Variants in CNTN4 observed in about 807,000 individuals in gnomAD.
CNTN4 encodes contactin 4.
A neutral mutation model predicts 122.5 loss-of-function variants in CNTN4; 77 were observed. The ratio of observed to expected loss-of-function variants is 0.63; its 90% CI spans 0.52 to 0.76. The LOEUF is 0.76. CNTN4 is among the 30% of genes least tolerant of loss of function. CNTN4 has a pLI of 0.00. For missense variants in CNTN4, 1,256 were observed against 1,259.1 expected, an observed-to-expected ratio of 1.00 and a Z score of 0.04; for synonymous variants, 512 against 447.0, an observed-to-expected ratio of 1.15 and a Z score of -1.83.
At chr3:2,996,162 T>A (rs1695515249) in intron 14 of CNTN4, among the ~76,000 whole-genome samples, 1 of 152,128 alleles carries the variant, frequency 6.6e-6, no homozygotes, top group Non-Finnish European at 1.5e-5. Flanking sequence ...ATTGGTAATA[T>A]CTGTTTGGGT....
Position 2,930,730 on chromosome 3 carries a change from A to G in CNTN4, c.1358+4951A>G, listed in dbSNP as rs149025842. Among the ~76,000 whole-genome samples, 662 of 152,338 alleles carry G rather than the reference A, an allele frequency of 4.3e-3. 7 individuals carry two copies. The highest frequency in any genetic ancestry group is 0.015 in the African/African-American group (626 of 41,582). Reference sequence around the variant, plus strand: ...ACAGCAGCATGACTCTGTTTTGTGAATCTAGCCAATTCCAGTTTCATTCCA... The same window carrying G: ...ACAGCAGCATGACTCTGTTTTGTGAGTCTAGCCAATTCCAGTTTCATTCCA... On this transcript the variant is annotated intron_variant, in intron 13 of 24. Transcript: ENST00000418658.
intron 6 of CNTN4, among the ~76,000 whole-genome samples, chr3:2,794,903 A>G (rs1055179738): frequency 2.6e-5 from 4 of 152,066 alleles, no homozygotes. Context: ...CTATTAGGGG[A>G]CTAATCCCAT....
rs1325165179 is a variant in CNTN4, at chr3:2,389,679, C to T, written c.-89+50446C>T. 4.6e-5 allele frequency among the ~76,000 whole-genome samples: 7 copies of T among 152,074 alleles called. No homozygotes were observed. In the East Asian group the frequency reaches 9.6e-4, roughly 21 times the overall value. On this transcript the variant is annotated intron_variant, in intron 3 of 24. Transcript: ENST00000418658. ...TTATCTATCTCCTTCATTGATGTAT[C>T]CCCATTGCCTAGAAAGGGAAGAACA... is the stretch of plus-strand genomic sequence containing the variant.
At chr3:3,032,132 A>T (rs1289554414) in intron 16 of CNTN4, among the ~76,000 whole-genome samples, 1 of 152,182 alleles carries the variant, frequency 6.6e-6, no homozygotes, top group East Asian at 1.9e-4. Context: ...GCAACAGTGC[A>T]GACAAGGGCT....
chr3:2,729,680 G>C (rs527902557), intron 4 of CNTN4, among the ~76,000 whole-genome samples: 2 of 151,620 alleles, frequency 1.3e-5, no homozygotes, highest in South Asian at 2.1e-4. Context: ...TTTGGGATGC[G>C]AAGGCAGGCG....
At chr3:2,875,027 G>A (rs1223297085) in intron 8 of CNTN4, among the ~76,000 whole-genome samples, 1 of 152,138 alleles carries the variant, frequency 6.6e-6, no homozygotes, top group Admixed American at 6.6e-5. Context: ...CTGTCACCCA[G>A]GCTGGAATGC....
At chr3:2,821,693 C>T (rs1335763932) in intron 7 of CNTN4, among the ~76,000 whole-genome samples, 1 of 152,108 alleles carries the variant, frequency 6.6e-6, no homozygotes, top group African/African-American at 2.4e-5. Flanking sequence ...TATAACTGCA[C>T]ATAAGGGATT....
At chr3:3,047,628 G>T (rs1700800681) in intron 23 of CNTN4, among the ~76,000 whole-genome samples, 4 of 147,754 alleles carry the variant, frequency 2.7e-5, no homozygotes, top group East Asian at 3.9e-4. Context: ...ATTCAAAGCA[G>T]TGTGTAGAGG....
intron 13 of CNTN4, among the ~76,000 whole-genome samples, chr3:2,979,985 T>C (rs1248022782): frequency 6.6e-6 from 1 of 152,198 alleles, no homozygotes; most frequent in African/African-American, 2.4e-5. Flanking sequence ...TTTCATCATG[T>C]GTTACTAAAG....
intron 3 of CNTN4, among the ~76,000 whole-genome samples, chr3:2,363,233 A>G (rs1027584593): frequency 6.6e-6 from 1 of 152,216 alleles, no homozygotes; most frequent in African/African-American, 2.4e-5. Context: ...AGTATTTTTC[A>G]AATGTCTCCT....
chr3:2,966,764 A>C (rs1418130251), intron 13 of CNTN4, among the ~76,000 whole-genome samples: 1 of 152,236 alleles, frequency 6.6e-6, no homozygotes, highest in Non-Finnish European at 1.5e-5. Context: ...TTATGTACCC[A>C]TAGTAATTAA....
chr3:2,354,819 A>G (rs1041288708), intron 3 of CNTN4, among the ~76,000 whole-genome samples: 17 of 152,172 alleles, frequency 1.1e-4, no homozygotes, highest in African/African-American at 4.1e-4. Context: ...CTTATCAAAC[A>G]GCCAGGAGTT....
intron 3 of CNTN4, among the ~76,000 whole-genome samples, chr3:2,456,767 C>G (rs766230622): frequency 1.3e-5 from 2 of 152,100 alleles, no homozygotes; most frequent in African/African-American, 2.4e-5. Context: ...ATCCATTCGT[C>G]TATCTATGGA....
At chr3:2,958,082 T>C (rs756447182) in intron 13 of CNTN4, among the ~76,000 whole-genome samples, 9 of 152,184 alleles carry the variant, frequency 5.9e-5, no homozygotes, top group Non-Finnish European at 1.3e-4. Flanking sequence ...GCATTTTAAA[T>C]GGATGTTTCC....
intron 2 of CNTN4, among the ~76,000 whole-genome samples, chr3:2,281,857 G>C (rs866726020): frequency 1.6e-4 from 24 of 152,178 alleles, no homozygotes; most frequent in South Asian, 1.0e-3. Flanking sequence ...TAATATACTA[G>C]AAGTTTGGTA....
In CNTN4 at chr3:2,518,223, G is replaced by T. The variant is rs533503884; in HGVS notation, c.-88-53193G>T. On this transcript the variant is annotated intron_variant, in intron 3 of 24. Transcript: ENST00000418658. ...CAGTTTCTTAGGTTAATATGTGTGT[G>T]TGTGTGTGTGTGCACACACGCACAT... 3.3e-5 allele frequency among the ~76,000 whole-genome samples: 5 copies of T among 152,218 alleles called. No homozygotes were observed. The East Asian group carries it at 9.7e-4, about 29-fold the overall frequency.
intron 2 of CNTN4, among the ~76,000 whole-genome samples, chr3:2,190,303 TTGTGTG>T (rs10685358): frequency 6.0e-5 from 9 of 149,442 alleles, no homozygotes; most frequent in Admixed American, 2.7e-4. Flanking sequence ...CACATCTGAC[TTGTGTG>T]TGTGTGTGTG....
chr3:2,609,077 G>A (rs2081375378), intron 4 of CNTN4, among the ~76,000 whole-genome samples: 1 of 152,160 alleles, frequency 6.6e-6, no homozygotes, highest in African/African-American at 2.4e-5. Context: ...ATTTTTCTAC[G>A]AGGCTTTCTT....
chr3:3,005,876 C>T (rs1313032480), intron 14 of CNTN4, among the ~76,000 whole-genome samples: 8 of 140,716 alleles, frequency 5.7e-5, no homozygotes, highest in Non-Finnish European at 1.2e-4. Context: ...TATCTCAGCA[C>T]ACTGTGTAGA....
Sources: gnomAD v4.1 joint callset for allele counts (sites outside exome capture counted in the v4.1 genomes callset) on GRCh38, gnomAD v4.1.1 for gene constraint, MANE v1.5 for transcripts, NCBI Gene and HGNC (gene_info 2026-07-23, HGNC 2026-07-21) for gene names.